Variants in TNS3 observed in about 807,000 individuals in gnomAD.
The protein encoded by TNS3 is tensin 3.
A neutral mutation model predicts 140.9 loss-of-function variants in TNS3; 45 were observed. That is an observed-to-expected ratio of 0.32 (90% CI 0.25 to 0.41). The LOEUF is 0.41. Ranked by LOEUF, TNS3 falls within the 10% of genes least tolerant of loss-of-function variation. The probability of loss-of-function intolerance (pLI) is 1.00; values close to 1 mark genes in which losing one functional copy is unlikely to be tolerated. For synonymous variants in TNS3, 815 were observed against 788.4 expected (o/e 1.03, Z -0.56); for missense variants, 1,716 against 1,906.7 (o/e 0.90, Z 1.86).
intron 18 of TNS3, among the ~76,000 whole-genome samples, chr7:47,345,614 G>A (rs570491031): frequency 1.3e-4 from 19 of 151,152 alleles, no homozygotes; most frequent in Admixed American, 7.9e-4. Flanking sequence ...TGGATACACC[G>A]ACCTGCTTTA....
intron 4 of TNS3, among the ~76,000 whole-genome samples, chr7:47,461,267 A>T (rs937550314): frequency 6.6e-6 from 1 of 152,174 alleles, no homozygotes; most frequent in Non-Finnish European, 1.5e-5. Context: ...TTAGAATGAA[A>T]CTGCATCTTG....
intron 10 of TNS3, among the ~76,000 whole-genome samples, chr7:47,417,771 C>A (rs1027577804): frequency 2.6e-5 from 4 of 151,736 alleles, no homozygotes; most frequent in Admixed American, 6.6e-5. Flanking sequence ...CAAAAAAAAA[C>A]CAACATATTG....
chr7:47,549,277 G>A (rs1194145143), intron 1 of TNS3, among the ~76,000 whole-genome samples: 1 of 152,190 alleles, frequency 6.6e-6, no homozygotes, highest in Non-Finnish European at 1.5e-5. Flanking sequence ...CAGGTCACGA[G>A]GTCAGGAGAT....
In TNS3 at chr7:47,415,215, C is replaced by A; in HGVS notation, c.474-9G>T. 1 of 1,593,868 alleles carries A rather than the reference C, an allele frequency of 6.3e-7. No individual in the cohort carries two copies. The highest frequency in any genetic ancestry group is 1.1e-5 in the South Asian group (1 of 88,692). On this transcript the variant is annotated splice_polypyrimidine_tract_variant and intron_variant, in intron 10 of 30. Coordinates refer to ENST00000311160, the MANE Select transcript of TNS3 (RefSeq NM_022748.12). ...TGAGGAACTGAACATACCTGCAAAACGGACAGCTGGGTTACACTTCCCAGA... is the reference window on the plus strand; with the variant it reads ...TGAGGAACTGAACATACCTGCAAAAAGGACAGCTGGGTTACACTTCCCAGA...
intron 3 of TNS3, among the ~76,000 whole-genome samples, chr7:47,493,988 G>A (rs911571437): frequency 1.3e-5 from 2 of 152,172 alleles, no homozygotes; most frequent in African/African-American, 4.8e-5. Context: ...AGTTCCTGCT[G>A]GTCTGAAGCT....
chr7:47,458,207 C>T (rs1796336998), intron 4 of TNS3, among the ~76,000 whole-genome samples: 1 of 152,190 alleles, frequency 6.6e-6, no homozygotes, highest in South Asian at 2.1e-4. Flanking sequence ...TCAGCTGAGG[C>T]CACGTCTGCC....
At chr7:47,304,022 C>T (rs1786593204) in intron 21 of TNS3, among the ~76,000 whole-genome samples, 1 of 152,170 alleles carries the variant, frequency 6.6e-6, no homozygotes, top group Non-Finnish European at 1.5e-5. Flanking sequence ...GTAGAAATGC[C>T]CTCCCGTCTT....
chr7:47,553,162 C>A (rs568999245), intron 1 of TNS3, among the ~76,000 whole-genome samples: 1 of 152,306 alleles, frequency 6.6e-6, no homozygotes, highest in Admixed American at 6.5e-5. Flanking sequence ...GGTAAACAAG[C>A]CGTCTCCATA....
At chr7:47,467,032 G>A (rs1467965774) in intron 4 of TNS3, among the ~76,000 whole-genome samples, 1 of 152,210 alleles carries the variant, frequency 6.6e-6, no homozygotes, top group Non-Finnish European at 1.5e-5. Context: ...TGGTGATGGT[G>A]TAAGTAGTAC....
intron 20 of TNS3, among the ~76,000 whole-genome samples, 164 bp from the exon 21 acceptor site, chr7:47,305,167 G>A (rs181169462): frequency 2.3e-3 from 352 of 152,338 alleles, no homozygotes; most frequent in Admixed American, 3.9e-3. Flanking sequence ...TAGGCTGGAG[G>A]AGGCGGCCAG....
rs1353092354 is a variant in TNS3 at position 47,344,856 on chromosome 7, G to A, written c.2567-18C>T. 12 of 1,613,724 alleles carry A rather than the reference G, an allele frequency of 7.4e-6. No individual in the cohort carries two copies. The highest frequency in any genetic ancestry group is 1.0e-5 in the Non-Finnish European group (12 of 1,179,814). On this transcript the variant is annotated intron_variant, in intron 19 of 30. Coordinates refer to ENST00000311160, the MANE Select transcript of TNS3 (RefSeq NM_022748.12). ...TGTTTTCACTGGAAAAGAAAGCAGA[G>A]CAAGGGGCTGTTGTCACCCTCCTTG...
chr7:47,394,200 T>C (rs564677257), intron 16 of TNS3, among the ~76,000 whole-genome samples: 1 of 152,368 alleles, frequency 6.6e-6, no homozygotes, highest in East Asian at 1.9e-4. Flanking sequence ...GGACTGAATA[T>C]TTGTGTCCCC....
rs763005136 is a variant in TNS3, at chr7:47,435,362, C to T, written c.244G>A (p.Asp82Asn). Residue 82 changes from aspartate to asparagine, a missense_variant, in exon 8 of 31, where the codon GAT becomes AAT. Physicochemically the swap from Asp to Asn is conservative, Grantham distance 23. Transcript: ENST00000311160. The part of the protein sequence containing the change: ...GWPELHAPPL[D>N]KMCTICKAQE... ...GCCTTGCATATGGTACACATCTTAT[C>T]CAGGGGCGGTGCGTGGAGCTCTGGC... 6 of 1,613,976 alleles carry T rather than the reference C, an allele frequency of 3.7e-6. No homozygotes were observed. The South Asian group carries it at 4.4e-5, about 12-fold the overall frequency.
intron 16 of TNS3, among the ~76,000 whole-genome samples, chr7:47,376,153 C>T (rs1190338947): frequency 1.3e-5 from 2 of 152,168 alleles, no homozygotes; most frequent in Non-Finnish European, 2.9e-5. Flanking sequence ...CAATACTCAG[C>T]CCAGTCCTGA....
chr7:47,291,476 G>C (rs1031572611), intron 27 of TNS3, among the ~76,000 whole-genome samples: 1 of 149,366 alleles, frequency 6.7e-6, no homozygotes, highest in Admixed American at 6.8e-5. Context: ...CTGTGAATCT[G>C]TCACTGCTCT....
intron 2 of TNS3, among the ~76,000 whole-genome samples, chr7:47,528,099 T>C (rs1272291900): frequency 6.6e-6 from 1 of 152,078 alleles, no homozygotes; most frequent in East Asian, 1.9e-4. Context: ...CAGCACTGAC[T>C]TCTCCAAGGG....
chr7:47,297,928 A>C (rs1786146016), intron 23 of TNS3, among the ~76,000 whole-genome samples: 1 of 151,694 alleles, frequency 6.6e-6, no homozygotes. Context: ...CTGGGACTAC[A>C]GGCACCTGCC....
intron 4 of TNS3, among the ~76,000 whole-genome samples, chr7:47,442,847 G>A (rs1795535390): frequency 6.6e-6 from 1 of 152,218 alleles, no homozygotes; most frequent in East Asian, 1.9e-4. Context: ...ATCAAAGCAG[G>A]CCCACAGACA....
At chr7:47,356,214 G>A (rs1789988289) in intron 17 of TNS3, among the ~76,000 whole-genome samples, 1 of 152,186 alleles carries the variant, frequency 6.6e-6, no homozygotes, top group African/African-American at 2.4e-5. Context: ...TACAACAGTG[G>A]TTCTCAAAGG....
Sources: allele counts gnomAD v4.1 joint callset (sites outside exome capture counted in the v4.1 genomes callset), GRCh38; gene constraint gnomAD v4.1.1; transcripts MANE v1.5; gene names NCBI Gene and HGNC (gene_info 2026-07-23, HGNC 2026-07-21).